Variants in ERP44 observed in about 807,000 individuals in gnomAD.
ERP44 encodes endoplasmic reticulum resident protein 44.
In ERP44, 25 loss-of-function variants were observed where a neutral mutation model predicts 53.4. The ratio of observed to expected loss-of-function variants is 0.47; its 90% CI spans 0.34 to 0.65. The LOEUF is 0.65. Among genes scored for constraint, ERP44 ranks in the 30% least tolerant of loss-of-function variants. ERP44 has a pLI of 0.01. For missense variants in ERP44, 338 were observed against 493.2 expected (o/e 0.69, Z 2.98); for synonymous variants, 145 against 161.2 (o/e 0.90, Z 0.76).
chr9:100,078,826 T>C (rs909720593), intron 1 of ERP44, among the ~76,000 whole-genome samples: 9 of 152,242 alleles, frequency 5.9e-5, no homozygotes, highest in African/African-American at 2.2e-4. Flanking sequence ...ATGAGATTTA[T>C]TGACTTCATA....
intron 1 of ERP44, among the ~76,000 whole-genome samples, chr9:100,067,271 G>A (rs576889503): frequency 6.6e-6 from 1 of 152,116 alleles, no homozygotes; most frequent in Non-Finnish European, 1.5e-5. Context: ...CTGCCATCTC[G>A]GCTCACTGCA....
At chr9:100,035,386 G>A (rs78148924) in intron 4 of ERP44, among the ~76,000 whole-genome samples, 78 of 152,098 alleles carry the variant, frequency 5.1e-4, no homozygotes, top group East Asian at 2.7e-3. Context: ...AACAAAACAC[G>A]AATAACCCCA....
At chr9:99,992,394 A>C (rs1191239362) in intron 10 of ERP44, among the ~76,000 whole-genome samples, 1 of 152,222 alleles carries the variant, frequency 6.6e-6, no homozygotes, top group Non-Finnish European at 1.5e-5. Flanking sequence ...TCCATCACAT[A>C]AACAGAACCA....
chr9:99,989,791 A>G (rs1392195218), intron 10 of ERP44, among the ~76,000 whole-genome samples: 1 of 152,174 alleles, frequency 6.6e-6, no homozygotes, highest in Non-Finnish European at 1.5e-5. Context: ...AAAAAGATGA[A>G]AGGCTAACTA....
intron 9 of ERP44, among the ~76,000 whole-genome samples, 195 bp downstream of exon 9, chr9:100,007,379 AAAAC>A (rs938859130): frequency 1.5e-4 from 23 of 152,340 alleles, no homozygotes; most frequent in East Asian, 7.7e-4. Context: ...TAATGGTTAG[AAAAC>A]AAACAAACAA....
intron 4 of ERP44, among the ~76,000 whole-genome samples, chr9:100,049,975 A>C (rs1826019072): frequency 6.6e-6 from 1 of 152,006 alleles, no homozygotes; most frequent in Non-Finnish European, 1.5e-5. Flanking sequence ...ATAGAATGCC[A>C]CTAAATAATA....
chr9:99,997,037 C>T (rs1335310531), intron 10 of ERP44, among the ~76,000 whole-genome samples: 1 of 151,706 alleles, frequency 6.6e-6, no homozygotes, highest in Non-Finnish European at 1.5e-5. Flanking sequence ...CACAGTTTAT[C>T]GACTTGTTGA....
At chr9:99,994,920 C>A (rs1830295121) in intron 10 of ERP44, among the ~76,000 whole-genome samples, 1 of 152,190 alleles carries the variant, frequency 6.6e-6, no homozygotes, top group Non-Finnish European at 1.5e-5. Context: ...TGACTGGGAT[C>A]ACATTAAATT....
In ERP44 at chr9:99,980,770, A is replaced by C. The variant is rs1196457307; in HGVS notation, c.*1842T>G. On this transcript the variant is annotated 3_prime_UTR_variant, in exon 12 of 12. Coordinates refer to ENST00000262455, the MANE Select transcript of ERP44 (RefSeq NM_015051.3). ...GTGGCAGGGCTAGAGCCTAAGCCCA[A>C]TATGCATGAATGCTAAGTAATACTT... 1 of 152,222 alleles carries C rather than the reference A, an allele frequency of 6.6e-6. No individual in the cohort carries two copies. The highest frequency in any genetic ancestry group is 1.5e-5 in the Non-Finnish European group (1 of 68,040). 9.4% of individuals were successfully genotyped at this position (152,222 alleles called of 1,614,324 possible). A position where few individuals can be genotyped will look rare whatever the true frequency, so the allele number is the denominator to read the frequency against.
intron 3 of ERP44, among the ~76,000 whole-genome samples, chr9:100,054,729 C>A (rs969083455): frequency 1.3e-5 from 2 of 152,072 alleles, no homozygotes; most frequent in African/African-American, 4.8e-5. Context: ...CACTTCTGGT[C>A]TCAAGTATTT....
intron 1 of ERP44, among the ~76,000 whole-genome samples, chr9:100,076,902 T>C (rs1826364212): frequency 6.6e-6 from 1 of 152,172 alleles, no homozygotes. Flanking sequence ...GTGGCCATGG[T>C]GGCAGGGATG....
Position 100,098,897 on chromosome 9 carries a change from T to C in ERP44, c.-57A>G, listed in dbSNP as rs542786158. 8.8e-5 allele frequency: 132 copies of C among 1,502,606 alleles called. No individual in the cohort carries two copies. In the African/African-American group the frequency reaches 1.7e-3, roughly 20 times the overall value. The allele number at this position is 1,502,606 out of a possible 1,614,324, so 93.1% of individuals were successfully genotyped here. A position where few individuals can be genotyped will look rare whatever the true frequency, so the allele number is the denominator to read the frequency against. On this transcript the variant is annotated 5_prime_UTR_variant, in exon 1 of 12. Coordinates refer to ENST00000262455, the MANE Select transcript of ERP44 (RefSeq NM_015051.3). ...GCTGGCGGCTGGGACTGGGCTAGGT[T>C]GGGTTGGGTTAGGAAAGGGCTGGGC...
At chr9:100,078,346 T>C (rs1451549976) in intron 1 of ERP44, among the ~76,000 whole-genome samples, 1 of 151,168 alleles carries the variant, frequency 6.6e-6, no homozygotes, top group Non-Finnish European at 1.5e-5. Context: ...TAATCCCAGC[T>C]ACTCAGGAGG....
rs34803717 is a variant in ERP44 at position 100,062,085 on chromosome 9, GAC to G, written c.58-1915_58-1914del. ...GAAAAGGAATATCCCAATCTCTGCG[GAC>G]ACAGAGATACCAAGAAGAATCTAAA... On this transcript the variant is annotated intron_variant, in intron 1 of 11. Coordinates refer to ENST00000262455, the MANE Select transcript of ERP44 (RefSeq NM_015051.3). 9.5e-3 allele frequency among the ~76,000 whole-genome samples: 1,453 copies of G among 152,248 alleles called. 14 individuals carry two copies. Among genetic ancestry groups the G allele is most frequent in the African/African-American group, 0.012 (478 of 41,536 alleles).
chr9:100,065,923 T>G (rs1437422027), intron 1 of ERP44, among the ~76,000 whole-genome samples: 4 of 152,240 alleles, frequency 2.6e-5, no homozygotes, highest in African/African-American at 9.6e-5. Context: ...ACAAGAAGTA[T>G]TTCTAGTGAG....
At chr9:100,083,258 A>C (rs950259698) in intron 1 of ERP44, among the ~76,000 whole-genome samples, 1 of 152,144 alleles carries the variant, frequency 6.6e-6, no homozygotes, top group African/African-American at 2.4e-5. Context: ...AACAACCTGA[A>C]TATTCATCAA....
intron 10 of ERP44, among the ~76,000 whole-genome samples, chr9:100,002,039 G>T (rs1419755563): frequency 1.3e-5 from 2 of 150,446 alleles, no homozygotes; most frequent in Admixed American, 6.6e-5. Flanking sequence ...ATTATAATAG[G>T]GTTTTTAAAA....
chr9:100,091,777 T>A (rs1213726549), intron 1 of ERP44, among the ~76,000 whole-genome samples: 1 of 152,234 alleles, frequency 6.6e-6, no homozygotes, highest in Non-Finnish European at 1.5e-5. Flanking sequence ...TATGTGCATA[T>A]GAATCATCTG....
intron 4 of ERP44, among the ~76,000 whole-genome samples, chr9:100,026,074 T>C (rs991476065): frequency 6.6e-6 from 1 of 152,210 alleles, no homozygotes; most frequent in Non-Finnish European, 1.5e-5. Flanking sequence ...TTTTCTTTCT[T>C]ATAGGTTTCC....
Sources: allele counts gnomAD v4.1 joint callset (sites outside exome capture counted in the v4.1 genomes callset), GRCh38; gene constraint gnomAD v4.1.1; transcripts MANE v1.5; gene names NCBI Gene and HGNC (gene_info 2026-07-23, HGNC 2026-07-21).